Variants in AKAP19 observed in about 807,000 individuals in gnomAD.
The protein encoded by AKAP19 is small A-kinase anchoring protein.
chr2:190,020,438 A>T, the AKAP19 span, among the ~76,000 whole-genome samples: 286 of 152,300 alleles, frequency 1.9e-3, 2 homozygotes, highest in African/African-American at 6.5e-3. Context: ...TCAACTTCTC[A>T]TGAACAATTT....
chr2:190,073,402 A>G, the AKAP19 span, among the ~76,000 whole-genome samples: 1 of 152,184 alleles, frequency 6.6e-6, no homozygotes, highest in East Asian at 1.9e-4. Context: ...AATAGAATAG[A>G]GTGCATGCTC....
At chr2:190,088,421 C>G in the AKAP19 span, among the ~76,000 whole-genome samples, 1 of 152,046 alleles carries the variant, frequency 6.6e-6, no homozygotes, top group Non-Finnish European at 1.5e-5. Context: ...TCCTTTTTGT[C>G]CCTTTGCTTA....
At chr2:189,956,667 C>A in the AKAP19 span, among the ~76,000 whole-genome samples, 1 of 152,164 alleles carries the variant, frequency 6.6e-6, no homozygotes, top group South Asian at 2.1e-4. Flanking sequence ...CAGCCTTGAA[C>A]TTCTAGGCTC....
At chr2:190,158,529 T>A in the AKAP19 span, among the ~76,000 whole-genome samples, 15 of 152,270 alleles carry the variant, frequency 9.9e-5, no homozygotes, top group African/African-American at 3.6e-4. Flanking sequence ...ATACTTTAAA[T>A]GAATTTTGCC....
At chr2:190,077,223 C>CT in the AKAP19 span, among the ~76,000 whole-genome samples, 88 of 142,160 alleles carry the variant, frequency 6.2e-4, no homozygotes, top group South Asian at 1.1e-3. Flanking sequence ...TTATCTATGT[C>CT]TTTTTTTTTT....
chr2:189,983,638 G>A, the AKAP19 span, among the ~76,000 whole-genome samples: 1 of 152,216 alleles, frequency 6.6e-6, no homozygotes. Flanking sequence ...TTTGTCCCAA[G>A]GGAGCTGTGC....
chr2:190,167,273 C>A, the AKAP19 span, among the ~76,000 whole-genome samples: 2 of 152,134 alleles, frequency 1.3e-5, no homozygotes, highest in Non-Finnish European at 2.9e-5. Context: ...ACCATCAGAT[C>A]TCATGAGACT....
At chr2:189,940,412 C>T in the AKAP19 span, among the ~76,000 whole-genome samples, 41 of 151,514 alleles carry the variant, frequency 2.7e-4, no homozygotes, top group East Asian at 8.0e-3. Context: ...CGCCATTGCA[C>T]TCCAGCCTGG....
At chr2:189,920,204 G>A in the AKAP19 span, among the ~76,000 whole-genome samples, 1 of 152,288 alleles carries the variant, frequency 6.6e-6, no homozygotes, top group South Asian at 2.1e-4. Flanking sequence ...AAATATAAGT[G>A]TATTCTTCTC....
At chr2:190,039,751 T>C in the AKAP19 span, among the ~76,000 whole-genome samples, 2 of 152,056 alleles carry the variant, frequency 1.3e-5, no homozygotes, top group African/African-American at 2.4e-5. Context: ...TAGCTCCCAC[T>C]TTAAAGTGAG....
chr2:189,907,772 A>T, the AKAP19 span, among the ~76,000 whole-genome samples: 1 of 152,052 alleles, frequency 6.6e-6, no homozygotes, highest in African/African-American at 2.4e-5. Context: ...TATATATATA[A>T]AACCTAAAAC....
chr2:190,053,432 G>A, the AKAP19 span, among the ~76,000 whole-genome samples: 3,219 of 152,196 alleles, frequency 0.021, 53 homozygotes, highest in Non-Finnish European at 0.023. Context: ...GTTATCTAGC[G>A]TAAATATACT....
At chr2:189,998,498 T>C in the AKAP19 span, among the ~76,000 whole-genome samples, 1 of 152,246 alleles carries the variant, frequency 6.6e-6, no homozygotes, top group African/African-American at 2.4e-5. Context: ...GTAATTTGTA[T>C]GTGTGCAGGA....
At chr2:189,931,053 G>C in the AKAP19 span, 1 of 492,836 alleles carries the variant, frequency 2.0e-6, no homozygotes, top group Non-Finnish European at 3.7e-6. Context: ...TGCACTGACA[G>C]TCTTCTCTAT....
the AKAP19 span, among the ~76,000 whole-genome samples, chr2:190,115,290 TATATATATATA>T: frequency 1.1e-3 from 10 of 8,806 alleles, no homozygotes; most frequent in African/African-American, 2.2e-3. Flanking sequence ...TATATATATA[TATATATATATA>T]TTTTTTTTTT....
At chr2:189,942,474 A>G in the AKAP19 span, among the ~76,000 whole-genome samples, 2 of 152,214 alleles carry the variant, frequency 1.3e-5, no homozygotes, top group African/African-American at 4.8e-5. Context: ...TTATAGCAGA[A>G]CAGCCTAACA....
At chr2:190,062,366 T>C in the AKAP19 span, 1 of 1,613,424 alleles carries the variant, frequency 6.2e-7, no homozygotes, top group Non-Finnish European at 8.5e-7. Context: ...AAAGTTGTCT[T>C]ATAACATCTT....
At chr2:190,202,027 A>G in the AKAP19 span, 1 of 167,082 alleles carries the variant, frequency 6.0e-6, no homozygotes, top group South Asian at 2.1e-4. Flanking sequence ...CAGGTAAAGC[A>G]GCATGCCCCA....
At chr2:190,132,030 G>A in the AKAP19 span, among the ~76,000 whole-genome samples, 6 of 151,584 alleles carry the variant, frequency 4.0e-5, no homozygotes, top group South Asian at 1.3e-3. Context: ...TACTAACAAC[G>A]AGCTATCTGA....
Sources: gnomAD v4.1 joint callset for allele counts (sites outside exome capture counted in the v4.1 genomes callset) on GRCh38, gnomAD v4.1.1 for gene constraint, MANE v1.5 for transcripts, NCBI Gene and HGNC (gene_info 2026-07-23, HGNC 2026-07-21) for gene names.